Variants in ASB3 observed in about 807,000 individuals in gnomAD.
ASB3 encodes ankyrin repeat and SOCS box protein 3.
In ASB3, 41 loss-of-function variants were observed where a neutral mutation model predicts 54.5. The observed-to-expected ratio is 0.75, with a 90% confidence interval of 0.59 to 0.98. The LOEUF is 0.98. ASB3 is among the 50% of genes least tolerant of loss of function. ASB3 has a pLI of 0.00. For synonymous variants in ASB3, 266 were observed against 221.2 expected (o/e 1.20, Z -1.80); for missense variants, 733 against 620.0 (o/e 1.18, Z -1.94).
chr2:53,784,169 A>T (rs1209642433), intron 1 of ASB3, among the ~76,000 whole-genome samples: 2 of 152,262 alleles, frequency 1.3e-5, no homozygotes, highest in African/African-American at 4.8e-5. Context: ...TTGTATAATT[A>T]CAATATGGTA....
chr2:53,705,553 C>T (rs1026489615), intron 7 of ASB3, among the ~76,000 whole-genome samples: 1 of 152,090 alleles, frequency 6.6e-6, no homozygotes, highest in Non-Finnish European at 1.5e-5. Flanking sequence ...CTGACCATGC[C>T]TTTCTGTGAG....
At chr2:53,704,132 G>T (rs1400272731) in intron 7 of ASB3, among the ~76,000 whole-genome samples, 1 of 151,978 alleles carries the variant, frequency 6.6e-6, no homozygotes, top group Admixed American at 6.6e-5. Context: ...AAGCCAAGGC[G>T]GACAGATCAC....
At chr2:53,750,993 G>A in intron 2 of ASB3, 52 bp from the exon 3 acceptor site, 1 of 1,404,150 alleles carries the variant, frequency 7.1e-7, no homozygotes, top group Non-Finnish European at 9.3e-7. Flanking sequence ...CTATTTCCTG[G>A]TTTTAAAAAG....
chr2:53,690,168 A>G (rs1449725578), intron 9 of ASB3, among the ~76,000 whole-genome samples: 1 of 152,076 alleles, frequency 6.6e-6, no homozygotes, highest in African/African-American at 2.4e-5. Flanking sequence ...CCCAGGAGGT[A>G]GAGGCTGCAG....
intron 2 of ASB3, among the ~76,000 whole-genome samples, chr2:53,751,490 A>G (rs1468051188): frequency 1.3e-5 from 2 of 152,154 alleles, no homozygotes; most frequent in South Asian, 4.1e-4. Context: ...CCAGTGACAT[A>G]TAATAAGGAA....
chr2:53,776,789 A>G (rs1674363766), intron 1 of ASB3, among the ~76,000 whole-genome samples: 1 of 152,182 alleles, frequency 6.6e-6, no homozygotes, highest in Non-Finnish European at 1.5e-5. Flanking sequence ...ACTGCACTCC[A>G]GGCTGGGCAA....
chr2:53,687,663 C>A (rs1219626696), intron 9 of ASB3, among the ~76,000 whole-genome samples: 1 of 152,198 alleles, frequency 6.6e-6, no homozygotes, highest in Non-Finnish European at 1.5e-5. Context: ...CCACTTCCCA[C>A]CAAACTTAGT....
intron 8 of ASB3, among the ~76,000 whole-genome samples, chr2:53,698,897 C>T (rs182022364): frequency 1.6e-4 from 24 of 152,326 alleles, no homozygotes; most frequent in African/African-American, 5.8e-4. Context: ...CCAGCCTCTA[C>T]CCATTACCTA....
At chr2:53,738,316 T>C (rs1426708163) in intron 3 of ASB3, among the ~76,000 whole-genome samples, 1 of 152,246 alleles carries the variant, frequency 6.6e-6, no homozygotes, top group African/African-American at 2.4e-5. Flanking sequence ...ATTTCAAAAA[T>C]AAAACAGGAC....
chr2:53,693,366 A>G (rs1275931478), intron 9 of ASB3, among the ~76,000 whole-genome samples: 2 of 152,148 alleles, frequency 1.3e-5, no homozygotes, highest in Admixed American at 1.3e-4. Flanking sequence ...TAAAATATCA[A>G]CCAGTTCACA....
intron 3 of ASB3, among the ~76,000 whole-genome samples, chr2:53,730,981 A>G (rs760526816): frequency 3.3e-5 from 5 of 152,218 alleles, no homozygotes; most frequent in Non-Finnish European, 5.9e-5. Context: ...TTAAAAGTGT[A>G]AAACAAGAAA....
chr2:53,778,362 T>C (rs1674463265), intron 1 of ASB3, among the ~76,000 whole-genome samples: 2 of 151,802 alleles, frequency 1.3e-5, no homozygotes, highest in Non-Finnish European at 3.0e-5. Flanking sequence ...ATGAATACAA[T>C]GTGGAATAAT....
At chr2:53,699,298 G>T (rs1306886555) in intron 8 of ASB3, among the ~76,000 whole-genome samples, 3 of 152,168 alleles carry the variant, frequency 2.0e-5, no homozygotes, top group Admixed American at 1.3e-4. Flanking sequence ...TGAATTTGAG[G>T]ACTGTTTCCA....
chr2:53,709,671 A>G (rs76605436), intron 7 of ASB3, among the ~76,000 whole-genome samples: 16,497 of 152,212 alleles, frequency 0.11, 1,089 homozygotes, highest in Non-Finnish European at 0.15. Flanking sequence ...TTACATTTAC[A>G]TATGTTTGAA....
chr2:53,704,203 T>G lies in ASB3; in HGVS notation c.981-3675A>C, dbSNP rs369099654. 1.7e-4 allele frequency among the ~76,000 whole-genome samples: 26 copies of G among 151,524 alleles called. No individual in the cohort carries two copies. In the East Asian group the frequency reaches 2.7e-3, roughly 16 times the overall value. ...TGGGAAAACCCATCTCTACTAAAAA[T>G]ACAAAAATTAGCCAGGCGTGGTGGC... On this transcript the variant is annotated intron_variant, in intron 7 of 9. Transcript: ENST00000263634.
At chr2:53,758,894 G>T (rs1298704793) in intron 2 of ASB3, among the ~76,000 whole-genome samples, 2 of 152,266 alleles carry the variant, frequency 1.3e-5, no homozygotes, top group South Asian at 4.1e-4. Flanking sequence ...GGCCCAGAGT[G>T]TATGTACCTT....
chr2:53,750,005 G>C (rs966428280), intron 3 of ASB3, among the ~76,000 whole-genome samples: 2 of 152,010 alleles, frequency 1.3e-5, no homozygotes, highest in African/African-American at 4.8e-5. Flanking sequence ...TTCATTCTCA[G>C]ACCAATAACA....
intron 2 of ASB3, among the ~76,000 whole-genome samples, chr2:53,762,506 G>A (rs1027836931): frequency 6.6e-5 from 10 of 152,066 alleles, no homozygotes; most frequent in South Asian, 2.1e-4. Flanking sequence ...GTATTAGTGC[G>A]TATTTTCTTA....
At position 53,700,787 on chromosome 2, in the gene ASB3, A is replaced by T. The variant is rs537797836; in HGVS notation, c.981-259T>A. Among the ~76,000 whole-genome samples the T allele has an allele frequency of 4.7e-5, 7 of 149,494 alleles. No homozygotes were observed. The South Asian group carries it at 6.2e-4, about 13-fold the overall frequency. ...AAACATTCATCTTAAATGTCATTTT[A>T]AAAAAAATTATCATTGACAGAAAAC... On this transcript the variant is annotated intron_variant, in intron 7 of 9. Transcript: ENST00000263634.
Sources: gnomAD v4.1 joint callset for allele counts (sites outside exome capture counted in the v4.1 genomes callset) on GRCh38, gnomAD v4.1.1 for gene constraint, MANE v1.5 for transcripts, NCBI Gene and HGNC (gene_info 2026-07-23, HGNC 2026-07-21) for gene names.